Variants in MIER1 observed in about 807,000 individuals in gnomAD.
MIER1 encodes mesoderm induction early response protein 1.
In MIER1, 40 loss-of-function variants were observed where a neutral mutation model predicts 75.7. The ratio of observed to expected loss-of-function variants is 0.53; its 90% CI spans 0.41 to 0.69. MIER1 has a LOEUF of 0.69. Ranked by LOEUF, MIER1 falls within the 30% of genes least tolerant of loss-of-function variation. The pLI is 0.00. For missense variants in MIER1, 574 were observed against 680.2 expected, an observed-to-expected ratio of 0.84 and a Z score of 1.74; for synonymous variants, 213 against 223.4, an observed-to-expected ratio of 0.95 and a Z score of 0.42.
At position 66,986,047 on chromosome 1, in the gene MIER1, TAAAC is replaced by T. The variant is rs1407524566; in HGVS notation, c.*1149_*1152del. On this transcript the variant is annotated 3_prime_UTR_variant, in exon 14 of 14. Transcript: ENST00000401041. ...TAAAATTTCCCATTTCTGCATTAAA[TAAAC>T]AGAGGAGGGGGGTCAAGTGATACTT... is the stretch of plus-strand genomic sequence containing the variant. 14 of 1,003,652 alleles carry T rather than the reference TAAAC, an allele frequency of 1.4e-5. No homozygotes were observed. In the African/African-American group the frequency reaches 2.1e-4, roughly 15 times the overall value. 62.2% of individuals were successfully genotyped at this position (1,003,652 alleles called of 1,614,324 possible).
At position 66,950,094 on chromosome 1, in the gene MIER1, A is replaced by T. The variant is rs144365914; in HGVS notation, c.339+3799A>T. ...GAATGTCAGAATCATTCTCATAGTA[A>T]ATAAATAGACTTTTGTTTTGTTTTG... On this transcript the variant is annotated intron_variant, in intron 4 of 13. Transcript: ENST00000401041. Among the ~76,000 whole-genome samples, 220 of 152,274 alleles carry T rather than the reference A, an allele frequency of 1.4e-3. No homozygotes were observed. In the East Asian group the frequency reaches 0.015, roughly 10 times the overall value.
At chr1:66,927,194 A>C (rs1652035572) in intron 2 of MIER1, among the ~76,000 whole-genome samples, 1 of 152,154 alleles carries the variant, frequency 6.6e-6, no homozygotes, top group Non-Finnish European at 1.5e-5. Context: ...TTATCAATAT[A>C]ATAGCAGTTT....
chr1:66,946,046 G>T, intron 3 of MIER1, 104 bp from the exon 4 acceptor site: 3 of 1,065,860 alleles, frequency 2.8e-6, no homozygotes, highest in South Asian at 1.8e-5. Context: ...GCTTTTTCTT[G>T]GTACTTTTGA....
At chr1:66,982,777 C>T (rs148396809) in intron 13 of MIER1, among the ~76,000 whole-genome samples, 40 of 152,298 alleles carry the variant, frequency 2.6e-4, no homozygotes, top group Admixed American at 9.2e-4. Flanking sequence ...TAGTTCATTT[C>T]ATGACCCCTC....
At chr1:66,981,161 G>T (rs1253756926) in intron 12 of MIER1, among the ~76,000 whole-genome samples, 2 of 152,156 alleles carry the variant, frequency 1.3e-5, no homozygotes, top group African/African-American at 4.8e-5. Context: ...TCCCAGATCT[G>T]CTCACCAATG....
intron 8 of MIER1, among the ~76,000 whole-genome samples, chr1:66,967,327 G>A (rs1662629884): frequency 6.6e-6 from 1 of 152,064 alleles, no homozygotes. Context: ...TATGTGACTT[G>A]TTTCTGGGTC....
chr1:66,958,797 C>G, intron 5 of MIER1, 54 bp from the exon 6 acceptor site: 2 of 1,439,430 alleles, frequency 1.4e-6, no homozygotes, highest in South Asian at 1.3e-5. Flanking sequence ...TATGGTCTTT[C>G]ATCTGCAACT....
chr1:66,955,895 G>C (rs1482742176), intron 4 of MIER1, among the ~76,000 whole-genome samples: 1 of 152,126 alleles, frequency 6.6e-6, no homozygotes, highest in African/African-American at 2.4e-5. Flanking sequence ...AGATTAGGAG[G>C]TCTGGGTATT....
chr1:66,955,972 C>T (rs949021709), intron 4 of MIER1, among the ~76,000 whole-genome samples: 1 of 152,156 alleles, frequency 6.6e-6, no homozygotes, highest in African/African-American at 2.4e-5. Flanking sequence ...AGGTAGCAAG[C>T]ACTCCATTTG....
At chr1:66,970,073 C>G (rs1663296141) in intron 8 of MIER1, among the ~76,000 whole-genome samples, 1 of 152,096 alleles carries the variant, frequency 6.6e-6, no homozygotes, top group Admixed American at 6.6e-5. Flanking sequence ...TGAATTTTAT[C>G]CATGTTTTCT....
intron 8 of MIER1, among the ~76,000 whole-genome samples, chr1:66,969,716 C>G (rs1319036756): frequency 2.0e-5 from 3 of 151,956 alleles, no homozygotes; most frequent in African/African-American, 7.3e-5. Context: ...TACATATTTG[C>G]CTCATCTTTG....
intron 4 of MIER1, among the ~76,000 whole-genome samples, chr1:66,954,662 A>G (rs548891552): frequency 1.3e-5 from 2 of 150,842 alleles, no homozygotes; most frequent in South Asian, 2.1e-4. Flanking sequence ...TCAATATTGG[A>G]GGTGTTGGAG....
At chr1:66,956,826 T>G (rs1434697946) in intron 4 of MIER1, among the ~76,000 whole-genome samples, 1 of 152,256 alleles carries the variant, frequency 6.6e-6, no homozygotes, top group African/African-American at 2.4e-5. Context: ...TCCTAGTTCT[T>G]CCTAAGAAAA....
intron 8 of MIER1, among the ~76,000 whole-genome samples, chr1:66,966,624 A>G (rs1209334827): frequency 2.0e-5 from 3 of 152,222 alleles, no homozygotes; most frequent in South Asian, 2.1e-4. Context: ...GTCTTCCACA[A>G]TGGTTGAACT....
intron 2 of MIER1, among the ~76,000 whole-genome samples, chr1:66,927,489 C>G (rs570602751): frequency 2.6e-5 from 4 of 152,116 alleles, no homozygotes; most frequent in African/African-American, 9.6e-5. Context: ...TTTTCTTATG[C>G]CTTTAGCTCT....
intron 8 of MIER1, among the ~76,000 whole-genome samples, chr1:66,966,065 TAGGGTACATGTGC>T (rs1662326351): frequency 6.6e-6 from 1 of 152,148 alleles, no homozygotes; most frequent in Non-Finnish European, 1.5e-5. Context: ...CTTTAAGTTC[TAGGGTACATGTGC>T]ACAACATGCA....
At chr1:66,935,107 ATGT>A (rs1654456394) in intron 2 of MIER1, among the ~76,000 whole-genome samples, 2 of 152,182 alleles carry the variant, frequency 1.3e-5, no homozygotes, top group South Asian at 2.1e-4. Context: ...TGTTTTTACT[ATGT>A]TGTTGTTAGG....
intron 11 of MIER1, among the ~76,000 whole-genome samples, chr1:66,976,269 T>C (rs1664716364): frequency 6.6e-6 from 1 of 152,238 alleles, no homozygotes; most frequent in Admixed American, 6.5e-5. Flanking sequence ...CCCAAAGTGC[T>C]GGGATTACAG....
intron 1 of MIER1, chr1:66,925,310 G>A (rs1216393203): frequency 2.5e-5 from 25 of 985,330 alleles, no homozygotes; most frequent in Non-Finnish European, 2.9e-5. Flanking sequence ...CCTCCCTCTG[G>A]CCATCGACTG....
Sources: allele counts gnomAD v4.1 joint callset (sites outside exome capture counted in the v4.1 genomes callset), GRCh38; gene constraint gnomAD v4.1.1; transcripts MANE v1.5; gene names NCBI Gene and HGNC (gene_info 2026-07-23, HGNC 2026-07-21).